The following KCNK2 variants were observed in gnomAD, a reference collection of about 807,000 sequenced individuals.
The protein encoded by KCNK2 is potassium channel subfamily K member 2.
Under a neutral mutation model 40.5 loss-of-function variants are expected in KCNK2, and 21 were observed. The observed-to-expected ratio is 0.52, with a 90% CI of 0.37 to 0.75. KCNK2 has a LOEUF of 0.75. KCNK2 is among the 30% of genes least tolerant of loss of function. The pLI is 0.00. For missense variants in KCNK2, 399 were observed against 531.6 expected, an observed-to-expected ratio of 0.75 and a Z score of 2.45; for synonymous variants, 191 against 202.2, an observed-to-expected ratio of 0.94 and a Z score of 0.47.
intron 1 of KCNK2, among the ~76,000 whole-genome samples, chr1:215,011,315 C>T (rs147691694): frequency 1.3e-4 from 20 of 152,190 alleles, no homozygotes; most frequent in Middle Eastern, 3.4e-3. Flanking sequence ...TTTGTTGAGA[C>T]AGGGTCTCAC....
intron 1 of KCNK2, among the ~76,000 whole-genome samples, chr1:215,065,033 G>T (rs868557881): frequency 1.3e-5 from 2 of 152,144 alleles, no homozygotes; most frequent in Admixed American, 6.6e-5. Context: ...AAACGTTTTA[G>T]GTATTTCAAT....
intron 6 of KCNK2, among the ~76,000 whole-genome samples, chr1:215,219,471 C>T (rs1666084869): frequency 6.6e-6 from 1 of 151,324 alleles, no homozygotes; most frequent in South Asian, 2.1e-4. Context: ...TTAAATGTGC[C>T]ACTGAAACAT....
At chr1:215,215,895 C>T (rs1665939641) in intron 6 of KCNK2, among the ~76,000 whole-genome samples, 1 of 152,302 alleles carries the variant, frequency 6.6e-6, no homozygotes, top group South Asian at 2.1e-4. Context: ...TTCCTGTCAC[C>T]TCCACAATAT....
At chr1:215,209,424 T>TATATATTATATATAAA (rs1478392800) in intron 6 of KCNK2, among the ~76,000 whole-genome samples, 591 of 54,878 alleles carry the variant, frequency 0.011, 13 homozygotes, top group Middle Eastern at 0.022. Flanking sequence ...TTATATATAA[T>TATATATTATATATAAA]ATATATAATA....
At chr1:215,045,349 TG>T (rs1657731417) in intron 1 of KCNK2, among the ~76,000 whole-genome samples, 1 of 152,206 alleles carries the variant, frequency 6.6e-6, no homozygotes, top group African/African-American at 2.4e-5. Context: ...ATACTGGTGT[TG>T]GGGTGTAATT....
intron 6 of KCNK2, among the ~76,000 whole-genome samples, chr1:215,231,133 T>C (rs571808413): frequency 6.6e-6 from 1 of 152,132 alleles, no homozygotes; most frequent in Non-Finnish European, 1.5e-5. Context: ...CTAAGAAAGG[T>C]TTTCATTCTT....
chr1:215,007,037 A>ATATATATATATATATGTGTGTG (rs1330420661), intron 1 of KCNK2, among the ~76,000 whole-genome samples: 2 of 51,604 alleles, frequency 3.9e-5, no homozygotes, highest in South Asian at 5.6e-4. Flanking sequence ...ATATATATAT[A>ATATATATATATATATGTGTGTG]TGTGTGTGTG....
chr1:215,177,161 C>A lies in KCNK2; in HGVS notation c.823+4978C>A, dbSNP rs377331477. On this transcript the variant is annotated intron_variant, in intron 5 of 6. Coordinates refer to ENST00000444842, the MANE Select transcript of KCNK2 (RefSeq NM_001017425.3). ...TCTTTTGAGAAGTGTCTATTCATGT[C>A]TTTTGCCCACTTTTTAGTGCTTTGC... 8.6e-5 allele frequency among the ~76,000 whole-genome samples: 13 copies of A among 151,978 alleles called. No homozygotes were observed. In the South Asian group the frequency reaches 2.5e-3, roughly 29 times the overall value.
chr1:215,148,090 T>C (rs570192802), intron 3 of KCNK2, among the ~76,000 whole-genome samples: 3 of 143,462 alleles, frequency 2.1e-5, no homozygotes, highest in Admixed American at 6.9e-5. Flanking sequence ...CTTTTTTTTT[T>C]TTTTTTTTGG....
At chr1:215,095,607 C>T (rs1344201806) in intron 2 of KCNK2, among the ~76,000 whole-genome samples, 5 of 152,046 alleles carry the variant, frequency 3.3e-5, no homozygotes, top group Admixed American at 6.6e-5. Context: ...CGCTTCTTTC[C>T]ACAGTACCAA....
intron 6 of KCNK2, among the ~76,000 whole-genome samples, chr1:215,214,191 G>C (rs1571739523): frequency 6.6e-6 from 1 of 152,264 alleles, no homozygotes; most frequent in East Asian, 1.9e-4. Flanking sequence ...CAGACGCATG[G>C]CTGGGGAGGC....
In KCNK2 at chr1:215,226,792, C is replaced by CTA; in HGVS notation, c.964-8029_964-8028dup. ...AGAAAGAAAATCTGATTTAAAAGAT[C>CTA]TATATATACAATAGGCGTGATGTTC... On this transcript the variant is annotated intron_variant, in intron 6 of 6. Coordinates refer to ENST00000444842, the MANE Select transcript of KCNK2 (RefSeq NM_001017425.3). Among the ~76,000 whole-genome samples, 3 of 152,250 alleles carry CTA rather than the reference C, an allele frequency of 2.0e-5. No homozygotes were observed. The South Asian group carries it at 6.2e-4, about 32-fold the overall frequency.
intron 5 of KCNK2, among the ~76,000 whole-genome samples, chr1:215,178,601 A>G (rs895937804): frequency 6.6e-6 from 1 of 152,160 alleles, no homozygotes; most frequent in Admixed American, 6.6e-5. Context: ...CTTTTTCCAC[A>G]TCTATTGAGA....
At chr1:215,041,669 G>A (rs1379192482) in intron 1 of KCNK2, among the ~76,000 whole-genome samples, 1 of 152,130 alleles carries the variant, frequency 6.6e-6, no homozygotes, top group Admixed American at 6.5e-5. Context: ...TAATTTATAT[G>A]TGCCTGGATT....
intron 6 of KCNK2, among the ~76,000 whole-genome samples, chr1:215,209,350 TTA>T (rs1665477345): frequency 1.2e-5 from 1 of 84,768 alleles, no homozygotes; most frequent in African/African-American, 4.6e-5. Context: ...AATATATATA[TTA>T]TATATAATAT....
intron 5 of KCNK2, among the ~76,000 whole-genome samples, chr1:215,189,395 C>A (rs1664574168): frequency 6.6e-6 from 1 of 152,096 alleles, no homozygotes; most frequent in Non-Finnish European, 1.5e-5. Context: ...GATTTAAAGA[C>A]AATTTCTAAG....
chr1:215,024,251 CA>C, intron 1 of KCNK2, among the ~76,000 whole-genome samples: 1 of 152,276 alleles, frequency 6.6e-6, no homozygotes, highest in East Asian at 1.9e-4. Context: ...TGGAATAAAA[CA>C]ATCTTTGAAT....
At chr1:215,144,362 G>A (rs929510806) in intron 3 of KCNK2, among the ~76,000 whole-genome samples, 10 of 152,096 alleles carry the variant, frequency 6.6e-5, no homozygotes, top group African/African-American at 2.4e-4. Flanking sequence ...AACTTCAGCT[G>A]TCATCACTCA....
At chr1:215,118,918 G>A (rs1661061929) in intron 2 of KCNK2, among the ~76,000 whole-genome samples, 3 of 152,094 alleles carry the variant, frequency 2.0e-5, no homozygotes, top group African/African-American at 7.2e-5. Context: ...ATATTTTAAT[G>A]AAATCCTGAT....
Sources: allele counts gnomAD v4.1 joint callset (sites outside exome capture counted in the v4.1 genomes callset), GRCh38; gene constraint gnomAD v4.1.1; transcripts MANE v1.5; gene names NCBI Gene and HGNC (gene_info 2026-07-23, HGNC 2026-07-21).